CTNNA3: variants seen among roughly 807,000 people sequenced by gnomAD.
The protein encoded by CTNNA3 is catenin alpha 3.
A neutral mutation model predicts 95.7 loss-of-function variants in CTNNA3; 76 were observed. That is an observed-to-expected ratio of 0.79 (90% confidence interval 0.66 to 0.96). The LOEUF is 0.96. Ranked by LOEUF, CTNNA3 falls within the 40% of genes least tolerant of loss-of-function variation. The pLI is 0.00. For missense variants in CTNNA3, 1,191 were observed against 1,089.8 expected (o/e 1.09, Z -1.31); for synonymous variants, 431 against 374.4 (o/e 1.15, Z -1.74).
intron 7 of CTNNA3, among the ~76,000 whole-genome samples, chr10:67,014,675 C>G (rs57480168): frequency 0.016 from 2,461 of 151,940 alleles, 84 homozygotes; most frequent in African/African-American, 0.055. Context: ...AATGACTATT[C>G]TTTCATTGAG....
chr10:67,302,258 G>T (rs1051647718), intron 5 of CTNNA3, among the ~76,000 whole-genome samples: 1 of 152,084 alleles, frequency 6.6e-6, no homozygotes, highest in African/African-American at 2.4e-5. Flanking sequence ...TACGATGGTA[G>T]TTACGAGGGG....
chr10:66,497,649 G>C (rs1300138761), intron 11 of CTNNA3, among the ~76,000 whole-genome samples: 2 of 151,998 alleles, frequency 1.3e-5, no homozygotes, highest in Admixed American at 1.3e-4. Context: ...ACTGTACTCT[G>C]ATTGACATGG....
intron 12 of CTNNA3, among the ~76,000 whole-genome samples, chr10:66,336,186 G>A (rs2092393769): frequency 6.6e-6 from 1 of 151,986 alleles, no homozygotes; most frequent in Non-Finnish European, 1.5e-5. Flanking sequence ...TCCCGGGTGA[G>A]GCAATGCCTC....
At chr10:67,005,619 G>A (rs978847142) in intron 7 of CTNNA3, among the ~76,000 whole-genome samples, 1 of 144,912 alleles carries the variant, frequency 6.9e-6, no homozygotes, top group African/African-American at 2.5e-5. Context: ...GTCTCAAATC[G>A]CAATTAATCT....
intron 16 of CTNNA3, among the ~76,000 whole-genome samples, chr10:65,977,414 C>A (rs1355925234): frequency 6.6e-6 from 1 of 152,142 alleles, no homozygotes; most frequent in Non-Finnish European, 1.5e-5. Context: ...AAAACGAACA[C>A]TTTTCAAGAC....
rs1217527712 is a variant in CTNNA3, at chr10:67,227,227, G to A, written c.580-7357C>T. 2.0e-5 allele frequency among the ~76,000 whole-genome samples: 3 copies of A among 151,924 alleles called. No individual in the cohort carries two copies. In the South Asian group the frequency reaches 6.2e-4, roughly 32 times the overall value. ...CTGCCTCAGCCTCCCAAGTAGCTAG[G>A]ATTACATGCCTGCACCACCATGCCC... On this transcript the variant is annotated intron_variant, in intron 5 of 17. Transcript: ENST00000433211.
chr10:66,710,416 G>A (rs1475526213), intron 9 of CTNNA3, among the ~76,000 whole-genome samples: 2 of 152,006 alleles, frequency 1.3e-5, no homozygotes, highest in East Asian at 3.9e-4. Context: ...TTTTCTAACT[G>A]ATAGAACATT....
intron 7 of CTNNA3, among the ~76,000 whole-genome samples, chr10:66,785,469 G>T (rs1393174783): frequency 6.6e-6 from 1 of 152,140 alleles, no homozygotes; most frequent in African/African-American, 2.4e-5. Context: ...GGACAATTTT[G>T]CTCTCTCTTC....
chr10:66,688,484 T>A (rs1256911743), intron 9 of CTNNA3, among the ~76,000 whole-genome samples: 1 of 152,098 alleles, frequency 6.6e-6, no homozygotes, highest in Non-Finnish European at 1.5e-5. Context: ...CTAGTCCTTC[T>A]CCTCAGTTAG....
chr10:66,253,179 C>G (rs2132075924), intron 13 of CTNNA3, among the ~76,000 whole-genome samples: 1 of 152,324 alleles, frequency 6.6e-6, no homozygotes, highest in African/African-American at 2.4e-5. Context: ...TTCTAACTGG[C>G]TCTCCTGACA....
intron 14 of CTNNA3, among the ~76,000 whole-genome samples, chr10:66,079,970 A>T (rs2080691510): frequency 6.6e-6 from 1 of 152,126 alleles, no homozygotes; most frequent in Non-Finnish European, 1.5e-5. Context: ...TATCAATTTG[A>T]GTAATATACT....
intron 5 of CTNNA3, among the ~76,000 whole-genome samples, chr10:67,348,625 G>A (rs945301459): frequency 4.6e-5 from 7 of 151,984 alleles, no homozygotes; most frequent in Non-Finnish European, 7.4e-5. Flanking sequence ...GGAGGTGCCC[G>A]GCACTTTTAA....
intron 13 of CTNNA3, among the ~76,000 whole-genome samples, chr10:66,227,059 C>A (rs1437166836): frequency 6.6e-6 from 1 of 152,012 alleles, no homozygotes; most frequent in Non-Finnish European, 1.5e-5. Flanking sequence ...GAGATAGGGT[C>A]TCACTGTGTA....
intron 13 of CTNNA3, among the ~76,000 whole-genome samples, chr10:66,228,817 G>A (rs2089449587): frequency 6.6e-6 from 1 of 152,066 alleles, no homozygotes; most frequent in South Asian, 2.1e-4. Context: ...ATATATCTGT[G>A]TGCTCTGGTG....
intron 3 of CTNNA3, among the ~76,000 whole-genome samples, chr10:67,575,592 C>T (rs1842116482): frequency 2.0e-5 from 3 of 152,118 alleles, no homozygotes. Flanking sequence ...TTCAAGTGAT[C>T]ACCTCAGTTT....
At chr10:67,174,004 C>G (rs76349554) in intron 7 of CTNNA3, among the ~76,000 whole-genome samples, 8,625 of 152,264 alleles carry the variant, frequency 0.057, 366 homozygotes, top group South Asian at 0.2. Context: ...TAGGGACTTT[C>G]ACCTCTGTAT....
At chr10:66,807,560 G>A (rs1398828667) in intron 7 of CTNNA3, among the ~76,000 whole-genome samples, 2 of 152,106 alleles carry the variant, frequency 1.3e-5, no homozygotes, top group East Asian at 3.9e-4. Flanking sequence ...TCATTGGACT[G>A]TTACCTGACA....
intron 2 of CTNNA3, among the ~76,000 whole-genome samples, chr10:67,638,278 T>C (rs1193747698): frequency 6.6e-6 from 1 of 152,162 alleles, no homozygotes; most frequent in African/African-American, 2.4e-5. Context: ...GGCCATTACA[T>C]AATGGTAAAG....
chr10:66,441,741 A>G (rs28360742), intron 11 of CTNNA3, among the ~76,000 whole-genome samples: 17,077 of 152,208 alleles, frequency 0.11, 1,380 homozygotes, highest in African/African-American at 0.23. Flanking sequence ...GCAAATGTTC[A>G]ATATACATGT....
Sources: allele counts gnomAD v4.1 joint callset (sites outside exome capture counted in the v4.1 genomes callset), GRCh38; gene constraint gnomAD v4.1.1; transcripts MANE v1.5; gene names NCBI Gene and HGNC (gene_info 2026-07-23, HGNC 2026-07-21).